Variants in PRRC2C observed in about 807,000 individuals in gnomAD.
PRRC2C encodes protein PRRC2C.
PRRC2C carries 72 observed loss-of-function variants against 317.2 expected under a neutral mutation model. The ratio of observed to expected loss-of-function variants is 0.23; its 90% confidence interval spans 0.19 to 0.28. The LOEUF (loss-of-function observed/expected upper bound fraction) is 0.28. Ranked by LOEUF, PRRC2C falls within the 10% of genes least tolerant of loss-of-function variation. PRRC2C has a pLI of 1.00. For missense variants in PRRC2C, 3,074 were observed against 3,459.7 expected (o/e 0.89, Z 2.80); for synonymous variants, 1,296 against 1,205.9 (o/e 1.07, Z -1.55).
rs370475109 is a variant in PRRC2C, at chr1:171,591,820, G to T, written c.8670G>T (p.Ala2890=). ...PVRTGPIKPQ[A]IKTEETKS ...GAACTGGACCAATCAAACCTCAGGC[G>T]ATCAAAACCGAAGAAACAAAATCTT... is the stretch of plus-strand genomic sequence containing the variant. Residue 2890 remains alanine, a synonymous_variant, in exon 35 of 35, where the codon GCG becomes GCT. Transcript: ENST00000647382. The T allele has an allele frequency of 6.9e-7, 1 of 1,448,346 alleles. No homozygotes were observed. Among genetic ancestry groups the T allele is most frequent in the Admixed American group, 1.8e-5 (1 of 54,232 alleles). The allele number at this position is 1,448,346 out of a possible 1,614,324, so 89.7% of individuals were successfully genotyped here.
Position 171,591,470 on chromosome 1 carries a change from G to C in PRRC2C, c.8437-117G>C, listed in dbSNP as rs1022286682. On this transcript the variant is annotated intron_variant, in intron 34 of 34. Transcript: ENST00000647382. ...GATCAATGAGGTACTTTTGGCTTTG[G>C]CCAAACCAGTGTGGGGAAAACTGAT... is the stretch of plus-strand genomic sequence containing the variant. The C allele has an allele frequency of 2.3e-6, 3 of 1,310,260 alleles. No individual in the cohort carries two copies. The African/African-American group carries it at 4.5e-5, about 20-fold the overall frequency. The allele number at this position is 1,310,260 out of a possible 1,614,324, so 81.2% of individuals were successfully genotyped here.
At chr1:171,521,812 TA>T (rs1673632078) in intron 6 of PRRC2C, among the ~76,000 whole-genome samples, 1 of 152,220 alleles carries the variant, frequency 6.6e-6, no homozygotes, top group Non-Finnish European at 1.5e-5. Flanking sequence ...TACTTTAATG[TA>T]ATTTATATCT....
chr1:171,543,212 T>C (rs1678334441), intron 16 of PRRC2C, among the ~76,000 whole-genome samples: 1 of 149,008 alleles, frequency 6.7e-6, no homozygotes, highest in African/African-American at 2.5e-5. Context: ...CTACTAAAAA[T>C]ACAAAAAATT....
At chr1:171,545,355 AGTTAAGAGTTTTC>A (rs1678880129) in intron 16 of PRRC2C, 111 bp from the exon 17 acceptor site, 1 of 771,752 alleles carries the variant, frequency 1.3e-6, no homozygotes, top group Non-Finnish European at 2.0e-6. Flanking sequence ...GTTTGGTTAC[AGTTAAGAGTTTTC>A]TATCCCAACA....
At chr1:171,526,311 T>C (rs1202063746) in intron 10 of PRRC2C, among the ~76,000 whole-genome samples, 1 of 152,202 alleles carries the variant, frequency 6.6e-6, no homozygotes, top group Non-Finnish European at 1.5e-5. Flanking sequence ...ATTTGCTGGA[T>C]CAGAATTCCA....
In PRRC2C at chr1:171,532,702, G is replaced by C. The variant is rs1402474044; in HGVS notation, c.1614G>C (p.Glu538Asp). ...EREKEREKDR[E>D]RQQEKEKELE... is the part of the protein sequence containing the mutation. ...AGAAGGAGAGGGAAAAAGACAGAGA[G>C]AGACAGCAGGAAAAGGAGAAAGAGC... The change falls in exon 12 of 35, where the codon GAG becomes GAC. Residue 538 changes from glutamate to aspartate, a missense_variant. By Grantham distance (45) the Glu-to-Asp change is conservative. Around this residue, in one of 11 missense-constraint regions of PRRC2C, gnomAD observed 1,320 missense variants for 1,395.7 expected, o/e 0.95. Transcript: ENST00000647382. The C allele has an allele frequency of 6.4e-7, 1 of 1,550,568 alleles. No homozygotes were observed. The highest frequency in any genetic ancestry group is 1.4e-5 in the African/African-American group (1 of 72,810).
At chr1:171,512,758 T>C (rs1671619692) in intron 2 of PRRC2C, 1 of 386,560 alleles carries the variant, frequency 2.6e-6, no homozygotes, top group Non-Finnish European at 4.6e-6. Context: ...TTCTGTAGTG[T>C]GTTGAATTGC....
chr1:171,547,796 A>G (rs956890596), intron 17 of PRRC2C, among the ~76,000 whole-genome samples: 28 of 152,008 alleles, frequency 1.8e-4, no homozygotes, highest in Middle Eastern at 3.4e-3. Flanking sequence ...GGCACATGCC[A>G]CCATGCCCAG....
intron 20 of PRRC2C, among the ~76,000 whole-genome samples, chr1:171,562,371 A>G (rs1265078299): frequency 6.6e-6 from 1 of 152,166 alleles, no homozygotes; most frequent in Non-Finnish European, 1.5e-5. Context: ...AGAGGTGGGA[A>G]GACACTGAAG....
intron 1 of PRRC2C, among the ~76,000 whole-genome samples, chr1:171,500,890 A>G (rs917426946): frequency 3.1e-4 from 47 of 152,038 alleles, no homozygotes; most frequent in African/African-American, 1.1e-3. Flanking sequence ...ATGCAGATGC[A>G]CATGTCTTGT....
At chr1:171,554,427 C>CCAGT (rs1680935111) in intron 18 of PRRC2C, among the ~76,000 whole-genome samples, 1 of 152,078 alleles carries the variant, frequency 6.6e-6, no homozygotes, top group Non-Finnish European at 1.5e-5. Context: ...ATCCAATTTG[C>CCAGT]CAGTCTGTGT....
Position 171,589,398 on chromosome 1 carries a change from A to G in PRRC2C, c.8229A>G (p.Pro2743=), listed in dbSNP as rs990250443. 1.1e-5 allele frequency: 14 copies of G among 1,283,236 alleles called. No homozygotes were observed. The Admixed American group carries it at 1.9e-4, about 17-fold the overall frequency. 79.5% of individuals were successfully genotyped at this position (1,283,236 alleles called of 1,614,324 possible). ...TCTCCCAGCCTAACCTGGTCCCTCC[A>G]TTGGTAAGAGCCCCACATACTAACA... The part of the protein sequence containing the change: ...QILSQPNLVP[P]LVRAPHTNTF... Residue 2743 remains proline, a synonymous_variant, in exon 34 of 35, where the codon CCA becomes CCG. Transcript: ENST00000647382.
intron 11 of PRRC2C, 85 bp downstream of exon 11, chr1:171,527,929 A>G (rs1342916836): frequency 9.7e-6 from 11 of 1,135,598 alleles, no homozygotes; most frequent in Non-Finnish European, 1.2e-5. Context: ...TTTATTCAAA[A>G]CTTTTATGAA....
At chr1:171,549,071 A>G (rs2102565383) in intron 17 of PRRC2C, among the ~76,000 whole-genome samples, 1 of 152,298 alleles carries the variant, frequency 6.6e-6, no homozygotes, top group South Asian at 2.1e-4. Context: ...ATTTATTTTT[A>G]ACAACTCCAC....
intron 34 of PRRC2C, chr1:171,591,249 C>T: frequency 1.0e-6 from 1 of 993,338 alleles, no homozygotes; most frequent in Non-Finnish European, 1.2e-6. Context: ...TATTGTAGAC[C>T]ACATATTGAT....
chr1:171,574,586 G>A (rs1280398084), intron 24 of PRRC2C, among the ~76,000 whole-genome samples: 1 of 152,196 alleles, frequency 6.6e-6, no homozygotes. Flanking sequence ...AAAGATGCCT[G>A]CCATTTGCCA....
chr1:171,503,506 A>T (rs1331266474), intron 1 of PRRC2C, among the ~76,000 whole-genome samples: 1 of 151,896 alleles, frequency 6.6e-6, no homozygotes, highest in African/African-American at 2.4e-5. Flanking sequence ...CTTGAGCAAC[A>T]GAGTGAGACT....
intron 19 of PRRC2C, among the ~76,000 whole-genome samples, chr1:171,558,984 C>T (rs1013140689): frequency 6.6e-6 from 1 of 152,192 alleles, no homozygotes; most frequent in Non-Finnish European, 1.5e-5. Flanking sequence ...GCAGGTCAAT[C>T]CAGACACAAC....
Position 171,537,275 on chromosome 1 carries a change from C to G in PRRC2C, c.2306C>G (p.Pro769Arg), listed in dbSNP as rs1305409519. Residue 769 changes from proline (P) to arginine (R), a missense_variant, in exon 15 of 35, where the codon CCT (proline) becomes CGT (arginine). Coordinates refer to ENST00000647382, the MANE Select transcript of PRRC2C (RefSeq NM_001387844.1). The part of the protein sequence containing the change: ...IPPIHPGMIP[P>R]KPLMRRDQME... ...ACTTTTGTTACAGGAATGATTCCTCCTAAACCATTAATGAGAAGAGACCAG... is the reference window on the plus strand; with the variant it reads ...ACTTTTGTTACAGGAATGATTCCTCGTAAACCATTAATGAGAAGAGACCAG... 8.2e-6 allele frequency: 13 copies of G among 1,592,144 alleles called. No homozygotes were observed. The highest frequency in any genetic ancestry group is 1.1e-5 in the Non-Finnish European group (13 of 1,168,076).
Sources: allele counts gnomAD v4.1 joint callset (sites outside exome capture counted in the v4.1 genomes callset), GRCh38; gene constraint gnomAD v4.1.1; regional missense constraint gnomAD v4.1.1; transcripts MANE v1.5; gene names NCBI Gene and HGNC (gene_info 2026-07-23, HGNC 2026-07-21).